CYP19A1: variants seen among roughly 807,000 people sequenced by gnomAD.
The protein encoded by CYP19A1 is aromatase.
Under a neutral mutation model 44.4 loss-of-function variants are expected in CYP19A1, and 32 were observed. The observed-to-expected ratio is 0.72, with a 90% CI of 0.54 to 0.97. The LOEUF (loss-of-function observed/expected upper bound fraction) is 0.97, where lower values mean the gene tolerates loss of function less well. Among genes scored for constraint, CYP19A1 ranks in the 50% least tolerant of loss-of-function variants. The probability of loss-of-function intolerance (pLI) is 0.00; values close to 1 mark genes in which losing one functional copy is unlikely to be tolerated. For missense variants in CYP19A1, 598 were observed against 637.8 expected (o/e 0.94, Z 0.67); for synonymous variants, 212 against 215.6 (o/e 0.98, Z 0.14).
intron 1 of CYP19A1, among the ~76,000 whole-genome samples, chr15:51,247,584 T>G (rs1021718154): frequency 3.3e-5 from 5 of 152,144 alleles, no homozygotes; most frequent in Admixed American, 1.3e-4. Flanking sequence ...GCGATTCTCT[T>G]GCCTCAGTTC....
rs1324181881 is a variant in CYP19A1, at chr15:51,230,753, G to T, written c.297-2820C>A. Among the ~76,000 whole-genome samples, 10 of 151,918 alleles carry T rather than the reference G, an allele frequency of 6.6e-5. No individual in the cohort carries two copies. The East Asian group carries it at 1.7e-3, about 26-fold the overall frequency. On this transcript the variant is annotated intron_variant, in intron 3 of 9. Transcript: ENST00000396402. ...CGTGCCACAGCCCCCTGAGTAGCTG[G>T]GATTACAGGCACCCGCCACCACACC...
intron 1 of CYP19A1, among the ~76,000 whole-genome samples, chr15:51,258,337 C>T (rs553456694): frequency 5.3e-5 from 8 of 152,298 alleles, no homozygotes; most frequent in African/African-American, 1.4e-4. Flanking sequence ...TCCAGCCTGC[C>T]GACACCTCTC....
chr15:51,314,859 A>G (rs1294816380), intron 1 of CYP19A1, among the ~76,000 whole-genome samples: 3 of 151,860 alleles, frequency 2.0e-5, no homozygotes, highest in Admixed American at 1.3e-4. Context: ...GGTTTCCTCC[A>G]TTTTCCTCAT....
chr15:51,291,742 A>G (rs2470176), intron 1 of CYP19A1, among the ~76,000 whole-genome samples: 42,903 of 152,016 alleles, frequency 0.28, 8,827 homozygotes, highest in African/African-American at 0.58. Flanking sequence ...CCCCACGAGT[A>G]GGTCAAATCT....
At chr15:51,307,658 A>G (rs558843448) in intron 1 of CYP19A1, among the ~76,000 whole-genome samples, 1 of 152,288 alleles carries the variant, frequency 6.6e-6, no homozygotes, top group East Asian at 1.9e-4. Flanking sequence ...GTATATCATC[A>G]TCTTTGGTTC....
intron 1 of CYP19A1, among the ~76,000 whole-genome samples, chr15:51,283,234 T>G (rs1215670552): frequency 1.3e-5 from 2 of 152,172 alleles, no homozygotes; most frequent in Admixed American, 1.3e-4. Context: ...GAAAGAAGTA[T>G]GTTTTACTAG....
chr15:51,258,933 G>A (rs17601842), intron 1 of CYP19A1, among the ~76,000 whole-genome samples: 4,960 of 152,236 alleles, frequency 0.033, 122 homozygotes, highest in Non-Finnish European at 0.047. Flanking sequence ...TGACACATTC[G>A]ACAAAAGCTT....
chr15:51,234,453 C>T (rs918176810), intron 3 of CYP19A1, among the ~76,000 whole-genome samples: 1 of 152,096 alleles, frequency 6.6e-6, no homozygotes, highest in East Asian at 1.9e-4. Flanking sequence ...GGTCAGATGC[C>T]ACCCCCACTG....
At chr15:51,274,399 G>GA in intron 1 of CYP19A1, among the ~76,000 whole-genome samples, 1 of 152,320 alleles carries the variant, frequency 6.6e-6, no homozygotes, top group South Asian at 2.1e-4. Context: ...GGAGGGAATG[G>GA]AAAAAGAAAT....
chr15:51,234,165 TG>T (rs1251440245), intron 3 of CYP19A1, among the ~76,000 whole-genome samples: 1 of 152,146 alleles, frequency 6.6e-6, no homozygotes, highest in Non-Finnish European at 1.5e-5. Context: ...CGGGGAGTGC[TG>T]GAAGGGACTT....
intron 1 of CYP19A1, among the ~76,000 whole-genome samples, chr15:51,304,317 C>T (rs1294897548): frequency 1.3e-5 from 2 of 152,150 alleles, no homozygotes; most frequent in South Asian, 2.1e-4. Flanking sequence ...CCATTGCTTC[C>T]ACCCCACTCA....
intron 1 of CYP19A1, among the ~76,000 whole-genome samples, chr15:51,280,610 T>C (rs2035486245): frequency 6.6e-6 from 1 of 152,194 alleles, no homozygotes; most frequent in African/African-American, 2.4e-5. Flanking sequence ...CTCCAGGTTC[T>C]CATCTACATG....
chr15:51,250,691 A>AT (rs1403844131), intron 1 of CYP19A1, among the ~76,000 whole-genome samples: 4 of 152,184 alleles, frequency 2.6e-5, no homozygotes, highest in African/African-American at 9.7e-5. Flanking sequence ...ATCCTATTGC[A>AT]TTGGGGTTGC....
chr15:51,212,227 A>G, intron 9 of CYP19A1, 93 bp downstream of exon 9: 1 of 911,756 alleles, frequency 1.1e-6, no homozygotes, highest in South Asian at 1.3e-5. Flanking sequence ...AAGAAAAATG[A>G]AGTATTTATG....
chr15:51,229,520 A>G (rs1258370051), intron 3 of CYP19A1, among the ~76,000 whole-genome samples: 1 of 152,042 alleles, frequency 6.6e-6, no homozygotes, highest in Non-Finnish European at 1.5e-5. Context: ...TATTCATCAA[A>G]TAATCCTAAG....
intron 1 of CYP19A1, among the ~76,000 whole-genome samples, chr15:51,287,969 G>GAGCTGC (rs1193071548): frequency 6.6e-6 from 1 of 152,138 alleles, no homozygotes; most frequent in African/African-American, 2.4e-5. Context: ...TGAGAATAGA[G>GAGCTGC]AGCTGCTTTT....
chr15:51,250,294 G>T (rs905253950), intron 1 of CYP19A1, among the ~76,000 whole-genome samples: 5 of 152,216 alleles, frequency 3.3e-5, no homozygotes, highest in Non-Finnish European at 7.3e-5. Context: ...CACCTCTGAG[G>T]TTCCGTGACT....
chr15:51,274,181 A>C (rs1334076777), intron 1 of CYP19A1, among the ~76,000 whole-genome samples: 1 of 152,228 alleles, frequency 6.6e-6, no homozygotes, highest in East Asian at 1.9e-4. Flanking sequence ...ACCACACACC[A>C]GGCAAGAACT....
At chr15:51,287,088 T>C (rs551471354) in intron 1 of CYP19A1, among the ~76,000 whole-genome samples, 6 of 152,250 alleles carry the variant, frequency 3.9e-5, no homozygotes, top group Admixed American at 6.5e-5. Context: ...ACATGACTTA[T>C]CCAATGACAG....
Sources: allele counts gnomAD v4.1 joint callset (sites outside exome capture counted in the v4.1 genomes callset), GRCh38; gene constraint gnomAD v4.1.1; transcripts MANE v1.5; gene names NCBI Gene and HGNC (gene_info 2026-07-23, HGNC 2026-07-21).